TJP1: variants seen among roughly 807,000 people sequenced by gnomAD.
TJP1 encodes the protein tight junction protein ZO-1.
A neutral mutation model predicts 194.2 loss-of-function variants in TJP1; 43 were observed. The ratio of observed to expected loss-of-function variants is 0.22; its 90% CI spans 0.17 to 0.29. The LOEUF (loss-of-function observed/expected upper bound fraction) is 0.29, where lower values mean the gene tolerates loss of function less well. Among genes scored for constraint, TJP1 ranks in the 10% least tolerant of loss-of-function variants. The pLI is 1.00. For synonymous variants in TJP1, 801 were observed against 779.0 expected (o/e 1.03, Z -0.47); for missense variants, 1,971 against 2,185.7 (o/e 0.90, Z 1.96).
intron 1 of TJP1, among the ~76,000 whole-genome samples, chr15:29,805,174 G>A (rs2049034861): frequency 6.6e-6 from 1 of 152,160 alleles, no homozygotes; most frequent in South Asian, 2.1e-4. Context: ...CACAATTTCT[G>A]AAGAAGCAAA....
At chr15:29,773,977 C>T (rs138528569) in intron 2 of TJP1, among the ~76,000 whole-genome samples, 3 of 152,240 alleles carry the variant, frequency 2.0e-5, no homozygotes, top group Admixed American at 2.0e-4. Context: ...AGAATCTTTA[C>T]CACAATGACT....
chr15:29,823,282 A>C (rs906150243), upstream of TJP1: 6 of 152,216 alleles, frequency 3.9e-5, no homozygotes, highest in Admixed American at 3.9e-4. Context: ...AAAGGGTGTA[A>C]ACACGTGCAG....
intron 18 of TJP1, among the ~76,000 whole-genome samples, chr15:29,724,263 G>C (rs1271967080): frequency 6.6e-6 from 1 of 152,208 alleles, no homozygotes; most frequent in African/African-American, 2.4e-5. Context: ...TGCCAGGCTG[G>C]GCTGGGGAGA....
In TJP1 at chr15:29,748,117, G is replaced by A. The variant is rs146318945; in HGVS notation, c.1011-5336C>T. ...GAGAATTATAAAATGAGCTGCTTAC[G>A]TAATTAAAAATTTTCTAGAATCCAT... On this transcript the variant is annotated intron_variant, in intron 8 of 27. Coordinates refer to ENST00000614355, the MANE Select transcript of TJP1 (RefSeq NM_001330239.4). Among the ~76,000 whole-genome samples, 671 of 152,208 alleles carry A rather than the reference G, an allele frequency of 4.4e-3. 4 individuals are homozygous for A. Among genetic ancestry groups the A allele is most frequent in the Non-Finnish European group, 7.5e-3 (510 of 67,996 alleles).
chr15:29,737,469 G>T, intron 10 of TJP1, 55 bp from the exon 11 acceptor site: 1 of 1,589,692 alleles, frequency 6.3e-7, no homozygotes, highest in Non-Finnish European at 8.6e-7. Flanking sequence ...AAACGTTATA[G>T]CAATCACTAC....
intron 1 of TJP1, among the ~76,000 whole-genome samples, chr15:29,964,191 C>G (rs910504163): frequency 3.3e-5 from 5 of 152,038 alleles, no homozygotes; most frequent in Admixed American, 3.3e-4. Context: ...CAGGTGGGCC[C>G]TAAATCCAAT....
At chr15:29,929,773 CAG>C (rs754661503) in intron 2 of TJP1, among the ~76,000 whole-genome samples, 14 of 151,712 alleles carry the variant, frequency 9.2e-5, no homozygotes, top group Non-Finnish European at 1.9e-4. Context: ...TATAAGATAA[CAG>C]GGGCAGAAAT....
intron 2 of TJP1, among the ~76,000 whole-genome samples, chr15:29,920,235 A>G (rs531140026): frequency 6.6e-6 from 1 of 152,312 alleles, no homozygotes; most frequent in African/African-American, 2.4e-5. Flanking sequence ...TTTTCTTGTT[A>G]CTTTTCATGT....
At chr15:29,773,907 T>C (rs756054091) in intron 2 of TJP1, among the ~76,000 whole-genome samples, 3 of 152,218 alleles carry the variant, frequency 2.0e-5, no homozygotes, top group Non-Finnish European at 2.9e-5. Context: ...GAACTAACAT[T>C]GTAAAATTAC....
At chr15:29,953,079 C>T (rs189386794) in intron 2 of TJP1, among the ~76,000 whole-genome samples, 2 of 147,930 alleles carry the variant, frequency 1.4e-5, no homozygotes, top group African/African-American at 2.5e-5. Flanking sequence ...AAACCCTTTT[C>T]GAATCCATGT....
At chr15:29,710,686 T>G in intron 24 of TJP1, 145 bp downstream of exon 24, 1 of 982,364 alleles carries the variant, frequency 1.0e-6, no homozygotes, top group Non-Finnish European at 1.5e-6. Context: ...GACATACTTT[T>G]AACAAAATTC....
Position 29,700,666 on chromosome 15 carries a change from T to C in TJP1, c.*929A>G. The C allele has an allele frequency of 3.2e-6, 1 of 309,144 alleles. No individual in the cohort carries two copies. The highest frequency in any genetic ancestry group is 5.7e-6 in the Non-Finnish European group (1 of 175,982). The allele number at this position is 309,144 out of a possible 1,614,324, so 19.2% of individuals were successfully genotyped here. ...ATTATGTACAAGCATCCTTAAAACA[T>C]CAAAATTTTCAAATGCATAGCCAGA... On this transcript the variant is annotated 3_prime_UTR_variant, in exon 28 of 28. Transcript: ENST00000614355.
At chr15:29,786,343 T>C (rs1430580424) in intron 2 of TJP1, among the ~76,000 whole-genome samples, 1 of 152,206 alleles carries the variant, frequency 6.6e-6, no homozygotes, top group Non-Finnish European at 1.5e-5. Flanking sequence ...ATTTTCTCTA[T>C]AAAATTAGCC....
At chr15:29,865,766 T>C (rs2052280924) in intron 2 of TJP1, among the ~76,000 whole-genome samples, 1 of 152,072 alleles carries the variant, frequency 6.6e-6, no homozygotes, top group Non-Finnish European at 1.5e-5. Context: ...AGAGGGTCCA[T>C]TAAAAGCTGG....
rs551445800 is a variant in TJP1, at chr15:29,958,567, T to G, written c.174-2203A>C. 2.4e-4 allele frequency among the ~76,000 whole-genome samples: 37 copies of G among 152,314 alleles called. No homozygotes were observed. In the South Asian group the frequency reaches 7.0e-3, roughly 29 times the overall value. On this transcript the variant is annotated intron_variant, in intron 1 of 28. Coordinates refer to the TJP1 transcript ENST00000356107. ...CCCTTTCCATTCAGTAGTTTGAAAG[T>G]TATACATCTTATTAGGGAAACTCTA...
Position 29,943,191 on chromosome 15 carries a change from C to G in TJP1, c.306+13041G>C, listed in dbSNP as rs2055144048. On this transcript the variant is annotated intron_variant, in intron 2 of 28. Transcript: ENST00000356107. The stretch of plus-strand genomic sequence containing the variant: ...AGAGCGGGTGGGCATCCTCTTTTGA[C>G]ATAAAAGATGATGGAGAAGGTCTTT... 2.0e-5 allele frequency among the ~76,000 whole-genome samples: 3 copies of G among 152,194 alleles called. 1 individual carries two copies. The South Asian group carries it at 6.2e-4, about 32-fold the overall frequency.
At chr15:29,810,256 T>A (rs1450671939) in intron 1 of TJP1, among the ~76,000 whole-genome samples, 1 of 152,192 alleles carries the variant, frequency 6.6e-6, no homozygotes, top group Non-Finnish European at 1.5e-5. Context: ...GGCTGTAAGT[T>A]GTTAACCATA....
At chr15:29,896,780 C>G (rs1446245797) in intron 2 of TJP1, among the ~76,000 whole-genome samples, 2 of 152,156 alleles carry the variant, frequency 1.3e-5, no homozygotes, top group Non-Finnish European at 2.9e-5. Flanking sequence ...AGCAAAGAGA[C>G]TGGCAGCCTT....
intron 2 of TJP1, among the ~76,000 whole-genome samples, chr15:29,932,847 T>G (rs1309463831): frequency 6.6e-6 from 1 of 152,206 alleles, no homozygotes; most frequent in Non-Finnish European, 1.5e-5. Context: ...GAAAATATTC[T>G]TTTCCTTATT....
Sources: gnomAD v4.1 joint callset for allele counts (sites outside exome capture counted in the v4.1 genomes callset) on GRCh38, gnomAD v4.1.1 for gene constraint, MANE v1.5 for transcripts, NCBI Gene and HGNC (gene_info 2026-07-23, HGNC 2026-07-21) for gene names.